Variants in TFE3 observed in about 807,000 individuals in gnomAD.
TFE3 encodes transcription factor binding to IGHM enhancer 3.
TFE3 carries 5 observed loss-of-function variants against 35.0 expected under a neutral mutation model. The ratio of observed to expected loss-of-function variants is 0.14; its 90% CI spans 0.07 to 0.30. The LOEUF is 0.30. Among genes scored for constraint, TFE3 ranks in the 10% least tolerant of loss-of-function variants. The pLI, the probability that TFE3 is intolerant of heterozygous loss-of-function variation, is 1.00. For synonymous variants in TFE3, 211 were observed against 215.6 expected, an observed-to-expected ratio of 0.98 and a Z score of 0.18; for missense variants, 374 against 496.6, an observed-to-expected ratio of 0.75 and a Z score of 2.35.
intron 1 of TFE3, among the ~76,000 whole-genome samples, chrX:49,042,258 G>A (rs982826413): frequency 5.4e-5 from 6 of 111,508 alleles, no homozygotes; most frequent in African/African-American, 2.0e-4. Context: ...AAAGGGGTGT[G>A]GGGCTAGGGA....
At chrX:49,040,643 AAGAG>A (rs1413207742) in intron 1 of TFE3, 75 bp from the exon 2 acceptor site, 1 of 739,704 alleles carries the variant, frequency 1.4e-6, no homozygotes, top group African/African-American at 2.1e-5. Context: ...GAGACAGAGA[AAGAG>A]AGAGAGAGGG....
intron 5 of TFE3, among the ~76,000 whole-genome samples, chrX:49,034,978 C>T (rs184244464): frequency 6.2e-4 from 67 of 108,506 alleles, no homozygotes; most frequent in Non-Finnish European, 8.0e-4. Context: ...CTCTCCTTCA[C>T]ACTTTCCTGG....
At position 49,030,256 on chromosome X, in the gene TFE3, G is replaced by A; in HGVS notation, c.1630C>T (p.Leu544=). Residue 544 remains leucine, a synonymous_variant, in exon 10 of 10, where the codon CTG becomes TTG. Transcript: ENST00000315869. ...AGCAGGGGATCGGAGGCAGCCCGCA[G>A]TGGGGACAGGGCACCCCCCGACAGT... The part of the protein sequence containing the change: ...GGLSGGALSP[L]RAASDPLLSS... 1 of 1,209,995 alleles carries A rather than the reference G, an allele frequency of 8.3e-7. No individual in the cohort carries two copies. The highest frequency in any genetic ancestry group is 1.1e-6 in the Non-Finnish European group (1 of 894,566).
intron 5 of TFE3, among the ~76,000 whole-genome samples, chrX:49,036,983 T>C (rs1271105932): frequency 1.8e-5 from 2 of 111,682 alleles, no homozygotes; most frequent in African/African-American, 6.5e-5. Flanking sequence ...CTACTTGTTA[T>C]AACCCACAGC....
Position 49,029,336 on chromosome X carries a change from C to T in TFE3, c.*822G>A. 1 of 188,594 alleles carries T rather than the reference C, an allele frequency of 5.3e-6. No homozygotes were observed. The highest frequency in any genetic ancestry group is 1.0e-5 in the Non-Finnish European group (1 of 98,018). The allele number at this position is 188,594 out of a possible 1,213,427, so 15.5% of individuals were successfully genotyped here. A position where few individuals can be genotyped will look rare whatever the true frequency, so the allele number is the denominator to read the frequency against. On this transcript the variant is annotated 3_prime_UTR_variant, in exon 10 of 10. Transcript: ENST00000315869. ...CCAAGAGCAAGGTTGGCTCAGAGCC[C>T]TCCTAGGTTAGGTCAGGTTGGTCCC...
At chrX:49,038,910 C>A (rs1223576151) in intron 3 of TFE3, among the ~76,000 whole-genome samples, 197 bp downstream of exon 3, 2 of 110,771 alleles carry the variant, frequency 1.8e-5, no homozygotes, top group Non-Finnish European at 3.8e-5. Context: ...GAACTCCTCG[C>A]AATTTCACAA....
At chrX:49,034,104 G>A in intron 6 of TFE3, 30 bp downstream of exon 6, 1 of 1,142,254 alleles carries the variant, frequency 8.8e-7, no homozygotes, top group Non-Finnish European at 1.2e-6. Flanking sequence ...GTAAAGTGTA[G>A]GGCCATGGGG....
At chrX:49,031,641 A>C in intron 8 of TFE3, 97 bp from the exon 9 acceptor site, 1 of 940,036 alleles carries the variant, frequency 1.1e-6, no homozygotes, top group Non-Finnish European at 1.4e-6. Context: ...CTCCCACCAC[A>C]TGCTTAGAAC....
At chrX:49,034,703 C>T (rs781895099) in intron 5 of TFE3, among the ~76,000 whole-genome samples, 12 of 112,106 alleles carry the variant, frequency 1.1e-4, no homozygotes, top group Non-Finnish European at 2.3e-4. Flanking sequence ...CAATCTTCTC[C>T]GACCTTGGTA....
At chrX:49,033,419 G>T in intron 8 of TFE3, 46 bp downstream of exon 8, 1 of 1,159,027 alleles carries the variant, frequency 8.6e-7, no homozygotes. Flanking sequence ...AGCATGGGAC[G>T]CCTGCCCCAC....
chrX:49,031,034 G>A (rs1271015080), intron 9 of TFE3, among the ~76,000 whole-genome samples: 3 of 110,069 alleles, frequency 2.7e-5, no homozygotes, highest in Non-Finnish European at 5.7e-5. Context: ...GCGGTGAGCC[G>A]AGATTGCGCC....
rs1557075313 is a variant in TFE3, at chrX:49,039,242, A to C, written c.399T>G (p.Arg133=). ...AGGGAGCCGCGGCGGCCTGTTCCCG[A>C]CGCTCACGCCTCTCCTGCTCCTGCG... The part of the protein sequence containing the change: ...AQAQEQERRE[R]REQAAAAPFP... The change falls in exon 3 of 10, where the codon CGT becomes CGG. Residue 133 remains arginine (R), a synonymous_variant. Transcript: ENST00000315869. The C allele has an allele frequency of 1.2e-5, 15 of 1,205,830 alleles. No individual in the cohort carries two copies. The highest frequency in any genetic ancestry group is 1.7e-5 in the Non-Finnish European group (15 of 892,804).
In TFE3 at chrX:49,043,335, C is replaced by T; in HGVS notation, c.-109G>A. On this transcript the variant is annotated 5_prime_UTR_variant, in exon 1 of 10. It removes the in-frame stop codon of an upstream open reading frame in the 5' UTR. Transcript: ENST00000315869. ...CAGCTCGCCACCGCCGCCTCCTCCG[C>T]TAAGCCATGGAGCTAGCACTGCGCG... 1 of 601,117 alleles carries T rather than the reference C, an allele frequency of 1.7e-6. No homozygotes were observed. The allele number at this position is 601,117 out of a possible 1,213,427, so 49.5% of individuals were successfully genotyped here. A position where few individuals can be genotyped will look rare whatever the true frequency, so the allele number is the denominator to read the frequency against.
chrX:49,033,864 C>T (rs2064713620), intron 6 of TFE3, 82 bp from the exon 7 acceptor site: 1 of 1,067,744 alleles, frequency 9.4e-7, no homozygotes, highest in African/African-American at 1.8e-5. Flanking sequence ...GGTTTGGTAG[C>T]CAAAAGCAGG....
rs782256627 is a variant in TFE3 at position 49,030,446 on chromosome X, C to T, written c.1440G>A (p.Gly480=). 3.3e-6 allele frequency: 4 copies of T among 1,211,681 alleles called. No individual in the cohort carries two copies. The South Asian group carries it at 7.0e-5, about 21-fold the overall frequency. The stretch of plus-strand genomic sequence containing the variant: ...GGGGAGCATTCTGGGCAGGTCCCCC[C>T]CCTACATGGAACGTTGCTGCGCCTG... The part of the protein sequence containing the change: ...GRPGAATFHV[G]GGPAQNAPHQ... The change falls in exon 10 of 10, where the codon GGG becomes GGA. Residue 480 remains glycine (G), a synonymous_variant. Coordinates refer to ENST00000315869, the MANE Select transcript of TFE3 (RefSeq NM_006521.6).
chrX:49,029,076 TG>T lies in TFE3; in HGVS notation c.*1081del, dbSNP rs2064683335. Reference sequence around the variant, plus strand: ...CTGGGGGAAGGCTTCCAGTTTTTCCTGGGCTGGGGAGGTCCCAGGATAGCCC... The same window carrying T: ...CTGGGGGAAGGCTTCCAGTTTTTCCTGGCTGGGGAGGTCCCAGGATAGCCC... On this transcript the variant is annotated 3_prime_UTR_variant, in exon 10 of 10. Transcript: ENST00000315869. 1.2e-5 allele frequency: 2 copies of T among 172,150 alleles called. No individual in the cohort carries two copies. Among genetic ancestry groups the T allele is most frequent in the Admixed American group, 8.0e-5 (1 of 12,431 alleles). 14.2% of individuals were successfully genotyped at this position (172,150 alleles called of 1,213,427 possible).
At position 49,040,431 on chromosome X, in the gene TFE3, A is replaced by G. The variant is rs1179022059; in HGVS notation, c.230+24T>C. ...GGAGGGCTGAGGAATTGGGAGGGGA[A>G]TCAGATAGACAAGTCATACATACCT... On this transcript the variant is annotated intron_variant, in intron 2 of 9. Transcript: ENST00000315869. 1.4e-5 allele frequency: 16 copies of G among 1,138,849 alleles called. No homozygotes were observed. The Admixed American group carries it at 3.3e-4, about 24-fold the overall frequency. The allele number at this position is 1,138,849 out of a possible 1,213,427, so 93.9% of individuals were successfully genotyped here.
Position 49,029,601 on chromosome X carries a change from C to T in TFE3, c.*557G>A. Reference sequence around the variant, plus strand: ...GTTCCCAGGGGAAGGGGCTGGGTCTCATCCTCACTTCTGTTCCTTGCCTGG... The same window carrying T: ...GTTCCCAGGGGAAGGGGCTGGGTCTTATCCTCACTTCTGTTCCTTGCCTGG... On this transcript the variant is annotated 3_prime_UTR_variant, in exon 10 of 10. Coordinates refer to ENST00000315869, the MANE Select transcript of TFE3 (RefSeq NM_006521.6). 2.7e-6 allele frequency: 1 copy of T among 365,224 alleles called. No homozygotes were observed. 30.1% of individuals were successfully genotyped at this position (365,224 alleles called of 1,213,427 possible).
At chrX:49,037,695 T>C (rs2147774853) in intron 5 of TFE3, 1 of 179,679 alleles carries the variant, frequency 5.6e-6, no homozygotes, top group East Asian at 1.3e-4. Context: ...CGAGACTCCG[T>C]CTCGAAAAAA....
Sources: gnomAD v4.1 joint callset for allele counts (sites outside exome capture counted in the v4.1 genomes callset) on GRCh38, gnomAD v4.1.1 for gene constraint, MANE v1.5 for transcripts, NCBI Gene and HGNC (gene_info 2026-07-23, HGNC 2026-07-21) for gene names.